PPARGC1B: variants seen among roughly 807,000 people sequenced by gnomAD.
PPARGC1B encodes PPARG coactivator 1 beta, also known as peroxisome proliferator-activated receptor gamma coactivator 1-beta.
In PPARGC1B, 34 loss-of-function variants were observed where a neutral mutation model predicts 101.6. That is an observed-to-expected ratio of 0.33 (90% CI 0.25 to 0.45). The LOEUF is 0.45. PPARGC1B is among the 20% of genes least tolerant of loss of function. The pLI is 1.00. For missense variants in PPARGC1B, 1,234 were observed against 1,317.6 expected (o/e 0.94, Z 0.98); for synonymous variants, 548 against 539.3 (o/e 1.02, Z -0.22).
At chr5:149,838,035 A>G (rs892809550) in intron 8 of PPARGC1B, among the ~76,000 whole-genome samples, 13 of 152,304 alleles carry the variant, frequency 8.5e-5, no homozygotes, top group African/African-American at 3.1e-4. Flanking sequence ...TGATGATGAC[A>G]TTGCTAGAGT....
At chr5:149,750,737 C>A (rs866649163) in intron 1 of PPARGC1B, among the ~76,000 whole-genome samples, 13 of 152,276 alleles carry the variant, frequency 8.5e-5, no homozygotes, top group Middle Eastern at 3.4e-3. Flanking sequence ...ATGGGCAATT[C>A]AATACCAAAG....
At chr5:149,789,006 C>A (rs189379986) in intron 1 of PPARGC1B, among the ~76,000 whole-genome samples, 1 of 152,182 alleles carries the variant, frequency 6.6e-6, no homozygotes, top group African/African-American at 2.4e-5. Context: ...TGCAGCACAC[C>A]AACATGGCAC....
At chr5:149,834,815 G>A (rs1181611683) in intron 6 of PPARGC1B, 105 bp downstream of exon 6, 26 of 1,009,138 alleles carry the variant, frequency 2.6e-5, no homozygotes, top group East Asian at 2.2e-4. Flanking sequence ...CCCTGGCCCC[G>A]GCCCCACACC....
intron 1 of PPARGC1B, among the ~76,000 whole-genome samples, chr5:149,768,780 T>G (rs558843038): frequency 6.6e-6 from 1 of 150,952 alleles, no homozygotes; most frequent in African/African-American, 2.4e-5. Flanking sequence ...CCTCCCAAAG[T>G]GCTAGGATTA....
intron 3 of PPARGC1B, among the ~76,000 whole-genome samples, chr5:149,828,810 G>C (rs1007128341): frequency 5.9e-5 from 9 of 152,180 alleles, no homozygotes; most frequent in African/African-American, 2.2e-4. Context: ...ACTTTGGGAG[G>C]CTGAGTGGGA....
At chr5:149,857,549 A>G (rs10071329), downstream of PPARGC1B, among the ~76,000 whole-genome samples, 1,419 of 152,320 alleles carry the variant, frequency 9.3e-3, 24 homozygotes, top group African/African-American at 0.033. Context: ...GACCACTGCT[A>G]TCAGGGTGTG....
At chr5:149,812,787 C>A (rs539845928) in intron 1 of PPARGC1B, among the ~76,000 whole-genome samples, 13 of 152,340 alleles carry the variant, frequency 8.5e-5, no homozygotes, top group African/African-American at 2.9e-4. Flanking sequence ...CCCACCCAAT[C>A]CAACCAGTTG....
chr5:149,829,688 G>GAA (rs763013635), intron 3 of PPARGC1B, among the ~76,000 whole-genome samples: 4 of 122,318 alleles, frequency 3.3e-5, no homozygotes, highest in African/African-American at 3.0e-5. Context: ...AGTTTTTATA[G>GAA]AAAAAAAAAA....
chr5:149,801,254 A>C (rs1210044075), intron 1 of PPARGC1B, among the ~76,000 whole-genome samples: 2 of 152,222 alleles, frequency 1.3e-5, no homozygotes, highest in African/African-American at 4.8e-5. Context: ...ATAAATGCTT[A>C]ATTTCCCAGT....
chr5:149,746,533 C>T (rs1755101022), intron 1 of PPARGC1B, among the ~76,000 whole-genome samples: 1 of 152,180 alleles, frequency 6.6e-6, no homozygotes, highest in Non-Finnish European at 1.5e-5. Context: ...CACATTTTAG[C>T]TATTGTGAAT....
intron 1 of PPARGC1B, among the ~76,000 whole-genome samples, chr5:149,771,254 C>T (rs994678330): frequency 6.6e-6 from 1 of 152,202 alleles, no homozygotes; most frequent in African/African-American, 2.4e-5. Context: ...AATGTGTAAC[C>T]CCCACTGCAC....
chr5:149,829,249 T>C (rs1049608671), intron 3 of PPARGC1B, among the ~76,000 whole-genome samples: 2 of 152,148 alleles, frequency 1.3e-5, no homozygotes, highest in African/African-American at 4.8e-5. Flanking sequence ...AGCCATGTAG[T>C]CTCTCTGCCC....
At chr5:149,813,846 C>T (rs918597216) in intron 1 of PPARGC1B, among the ~76,000 whole-genome samples, 2 of 152,128 alleles carry the variant, frequency 1.3e-5, no homozygotes, top group Admixed American at 6.5e-5. Flanking sequence ...CTGGTGAGGA[C>T]GCATTTCCTG....
At chr5:149,839,998 T>G (rs778627647) in intron 8 of PPARGC1B, 43 bp from the exon 9 acceptor site, 1 of 1,595,200 alleles carries the variant, frequency 6.3e-7, no homozygotes, top group Non-Finnish European at 8.6e-7. Flanking sequence ...CCCCATGGTA[T>G]CTCCCGAGAG....
At chr5:149,766,324 TTAA>T (rs1755912036) in intron 1 of PPARGC1B, among the ~76,000 whole-genome samples, 1 of 152,356 alleles carries the variant, frequency 6.6e-6, no homozygotes, top group Admixed American at 6.5e-5. Context: ...TAGCAGAGCC[TTAA>T]TAATCAGTTA....
chr5:149,826,627 C>T (rs780368184), intron 2 of PPARGC1B, 46 bp from the exon 3 acceptor site: 2 of 1,449,502 alleles, frequency 1.4e-6, no homozygotes, highest in Non-Finnish European at 1.9e-6. Context: ...GGTGACTAAC[C>T]ATCTCCCCAT....
At chr5:149,786,805 A>G (rs1292165321) in intron 1 of PPARGC1B, among the ~76,000 whole-genome samples, 1 of 152,224 alleles carries the variant, frequency 6.6e-6, no homozygotes, top group Non-Finnish European at 1.5e-5. Context: ...GTGAATTAAT[A>G]ATAGTCTTCT....
intron 1 of PPARGC1B, among the ~76,000 whole-genome samples, chr5:149,793,690 T>C (rs940134905): frequency 6.6e-6 from 1 of 152,110 alleles, no homozygotes; most frequent in Non-Finnish European, 1.5e-5. Context: ...CCACTGCCGA[T>C]CAGAAACAGG....
chr5:149,788,225 A>G (rs1756880830), intron 1 of PPARGC1B, among the ~76,000 whole-genome samples: 2 of 152,268 alleles, frequency 1.3e-5, no homozygotes, highest in South Asian at 4.1e-4. Flanking sequence ...AAATAAATTT[A>G]CAATAAAAAA....
Sources: allele counts gnomAD v4.1 joint callset (sites outside exome capture counted in the v4.1 genomes callset), GRCh38; gene constraint gnomAD v4.1.1; transcripts MANE v1.5; gene names NCBI Gene and HGNC (gene_info 2026-07-23, HGNC 2026-07-21).